DEPDC1B: variants seen among roughly 807,000 people sequenced by gnomAD.
DEPDC1B encodes DEP domain containing 1B, also known as DEP domain-containing protein 1B.
In DEPDC1B, 51 loss-of-function variants were observed where a neutral mutation model predicts 66.5. The ratio of observed to expected loss-of-function variants is 0.77; its 90% CI spans 0.61 to 0.97. The LOEUF is 0.97. DEPDC1B is among the 50% of genes least tolerant of loss of function. DEPDC1B has a pLI of 0.00. For missense variants in DEPDC1B, 552 were observed against 637.1 expected (o/e 0.87, Z 1.44); for synonymous variants, 226 against 223.6 (o/e 1.01, Z -0.10).
At chr5:60,607,662 G>T (rs1229021528) in intron 7 of DEPDC1B, among the ~76,000 whole-genome samples, 1 of 152,084 alleles carries the variant, frequency 6.6e-6, no homozygotes, top group Non-Finnish European at 1.5e-5. Context: ...AGGAGCTGGG[G>T]AGTGAGGGGA....
intron 2 of DEPDC1B, among the ~76,000 whole-genome samples, chr5:60,656,159 ATTT>A (rs59421459): frequency 0.019 from 2,395 of 125,890 alleles, 66 homozygotes; most frequent in African/African-American, 0.073. Context: ...GTTTAAGTCC[ATTT>A]TTTTTTTTTT....
At chr5:60,617,358 T>G (rs1480865700) in intron 7 of DEPDC1B, among the ~76,000 whole-genome samples, 1 of 151,904 alleles carries the variant, frequency 6.6e-6, no homozygotes, top group East Asian at 1.9e-4. Context: ...GGATAAAGAG[T>G]CAAGACTCAT....
intron 7 of DEPDC1B, among the ~76,000 whole-genome samples, chr5:60,625,198 A>G (rs1415411561): frequency 6.6e-6 from 1 of 152,152 alleles, no homozygotes; most frequent in African/African-American, 2.4e-5. Context: ...CAGTGCCGCA[A>G]TAAACATACG....
chr5:60,652,026 A>G (rs1201849104), intron 2 of DEPDC1B, among the ~76,000 whole-genome samples: 1 of 132,120 alleles, frequency 7.6e-6, no homozygotes, highest in Admixed American at 7.4e-5. Flanking sequence ...GATGGGAAAC[A>G]AAGCCTCCAA....
At chr5:60,653,434 T>C (rs913375901) in intron 2 of DEPDC1B, among the ~76,000 whole-genome samples, 5 of 131,694 alleles carry the variant, frequency 3.8e-5, no homozygotes, top group Non-Finnish European at 7.7e-5. Flanking sequence ...CTTAGCCCAC[T>C]TTTTGAAAGG....
intron 1 of DEPDC1B, among the ~76,000 whole-genome samples, chr5:60,698,672 T>A (rs6894832): frequency 2.0e-3 from 297 of 146,148 alleles, no homozygotes; most frequent in South Asian, 8.6e-3. Flanking sequence ...CCTTATTATT[T>A]TTTTTTTTTT....
intron 2 of DEPDC1B, among the ~76,000 whole-genome samples, chr5:60,678,167 A>T (rs1754213440): frequency 6.6e-6 from 1 of 152,154 alleles, no homozygotes; most frequent in Non-Finnish European, 1.5e-5. Context: ...CAAGTTTAAC[A>T]CATGTATACA....
intron 2 of DEPDC1B, among the ~76,000 whole-genome samples, chr5:60,664,587 G>A (rs540773727): frequency 2.6e-5 from 4 of 152,266 alleles, no homozygotes; most frequent in South Asian, 2.1e-4. Flanking sequence ...TACGCTGCTC[G>A]AGGGGACCTT....
intron 7 of DEPDC1B, among the ~76,000 whole-genome samples, chr5:60,624,121 C>G (rs1273702261): frequency 6.6e-6 from 1 of 152,090 alleles, no homozygotes; most frequent in Non-Finnish European, 1.5e-5. Flanking sequence ...AAAATGTTAT[C>G]CATAATTTTC....
At position 60,687,015 on chromosome 5, in the gene DEPDC1B, G is replaced by A. The variant is rs776415890; in HGVS notation, c.261C>T (p.Asp87=). The A allele has an allele frequency of 6.2e-7, 1 of 1,614,202 alleles. No individual in the cohort carries two copies. The highest frequency in any genetic ancestry group is 8.5e-7 in the Non-Finnish European group (1 of 1,180,042). ...CTTCCTCACCCCATTTTCCCTTGAT[G>A]TCTTCAATAACGTGATTCTTCAGGA... The part of the protein sequence containing the change: ...KKFLKNHVIE[D]IKGKWGEEDF... The change falls in exon 2 of 11, where the codon GAC becomes GAT. Residue 87 remains aspartate, a synonymous_variant. Transcript: ENST00000265036.
Position 60,667,546 on chromosome 5 carries a change from A to ATGGATATTTTACATATATATAAAAAAG in DEPDC1B, c.314+19415_314+19416insCTTTTTTATATATATGTAAAATATCCA, listed in dbSNP as rs1554054867. ...TGGATATTTTACATATATATAAAAA[A>ATGGATATTTTACATATATATAAAAAAG]TGGATATTTTACATATATAAAAAAG... On this transcript the variant is annotated intron_variant, in intron 2 of 10. Transcript: ENST00000265036. Among the ~76,000 whole-genome samples, 561 of 145,724 alleles carry ATGGATATTTTACATATATATAAAAAAG rather than the reference A, an allele frequency of 3.8e-3. 2 individuals carry two copies. Among genetic ancestry groups the ATGGATATTTTACATATATATAAAAAAG allele is most frequent in the Non-Finnish European group, 6.1e-3 (406 of 66,324 alleles).
chr5:60,686,036 A>G (rs1165824321), intron 2 of DEPDC1B, among the ~76,000 whole-genome samples: 3 of 152,168 alleles, frequency 2.0e-5, no homozygotes, highest in Admixed American at 2.0e-4. Context: ...TGCACTCACG[A>G]CAGACAGTCT....
At chr5:60,665,215 G>A (rs1365468014) in intron 2 of DEPDC1B, among the ~76,000 whole-genome samples, 1 of 152,066 alleles carries the variant, frequency 6.6e-6, no homozygotes, top group Non-Finnish European at 1.5e-5. Flanking sequence ...AAATACTTTT[G>A]CCTGCAGCTA....
intron 1 of DEPDC1B, among the ~76,000 whole-genome samples, chr5:60,690,899 C>G (rs998945233): frequency 6.6e-6 from 1 of 152,142 alleles, no homozygotes; most frequent in Non-Finnish European, 1.5e-5. Context: ...GGCTAACCTT[C>G]TCAGCCACAT....
intron 1 of DEPDC1B, chr5:60,688,964 T>C: frequency 4.4e-6 from 2 of 455,384 alleles, no homozygotes; most frequent in Middle Eastern, 3.3e-4. Context: ...CTCACTGTAA[T>C]ACACTGCTGG....
intron 1 of DEPDC1B, among the ~76,000 whole-genome samples, chr5:60,699,560 G>A (rs1219056283): frequency 6.6e-6 from 1 of 151,968 alleles, no homozygotes; most frequent in Non-Finnish European, 1.5e-5. Flanking sequence ...CCAGGGGCCG[G>A]AAATGCGGCC....
At chr5:60,644,225 TTTTG>T (rs890948038) in intron 5 of DEPDC1B, among the ~76,000 whole-genome samples, 22 of 152,332 alleles carry the variant, frequency 1.4e-4, no homozygotes, top group East Asian at 3.9e-4. Context: ...TATATGGTTC[TTTTG>T]TTTGTTTGTT....
At chr5:60,678,083 T>C (rs1459683950) in intron 2 of DEPDC1B, among the ~76,000 whole-genome samples, 2 of 152,200 alleles carry the variant, frequency 1.3e-5, no homozygotes, top group Non-Finnish European at 2.9e-5. Context: ...AATACAGGTT[T>C]TGCAAATCTC....
intron 7 of DEPDC1B, among the ~76,000 whole-genome samples, chr5:60,622,848 T>G (rs1225235018): frequency 6.6e-6 from 1 of 152,204 alleles, no homozygotes; most frequent in Non-Finnish European, 1.5e-5. Flanking sequence ...TGTCCAGTTT[T>G]TTTGTTTTTT....
Sources: gnomAD v4.1 joint callset for allele counts (sites outside exome capture counted in the v4.1 genomes callset) on GRCh38, gnomAD v4.1.1 for gene constraint, MANE v1.5 for transcripts, NCBI Gene and HGNC (gene_info 2026-07-23, HGNC 2026-07-21) for gene names.